The following SLC43A2 variants were observed in gnomAD, a reference collection of about 807,000 sequenced individuals.
SLC43A2 encodes large neutral amino acids transporter small subunit 4.
In SLC43A2, 38 loss-of-function variants were observed where a neutral mutation model predicts 63.2. The ratio of observed to expected loss-of-function variants is 0.60; its 90% CI spans 0.46 to 0.79. The LOEUF is 0.79. SLC43A2 is among the 30% of genes least tolerant of loss of function. The pLI is 0.00. For synonymous variants in SLC43A2, 322 were observed against 331.0 expected, an observed-to-expected ratio of 0.97 and a Z score of 0.30; for missense variants, 644 against 756.2, an observed-to-expected ratio of 0.85 and a Z score of 1.74.
intron 5 of SLC43A2, among the ~76,000 whole-genome samples, chr17:1,596,631 G>C (rs1356610458): frequency 6.6e-6 from 1 of 151,888 alleles, no homozygotes; most frequent in East Asian, 1.9e-4. Flanking sequence ...CCAGGCTGGA[G>C]TGCAGTGGTG....
intron 10 of SLC43A2, among the ~76,000 whole-genome samples, chr17:1,584,761 A>C (rs992197310): frequency 6.6e-6 from 1 of 151,610 alleles, no homozygotes; most frequent in African/African-American, 2.4e-5. Flanking sequence ...CGGAGGTTGC[A>C]GTGAGCCGAG....
At chr17:1,597,925 A>G (rs1905476432) in intron 5 of SLC43A2, among the ~76,000 whole-genome samples, 1 of 152,268 alleles carries the variant, frequency 6.6e-6, no homozygotes, top group African/African-American at 2.4e-5. Context: ...CTCTCTGGGT[A>G]CCTGCCTCCC....
intron 13 of SLC43A2, 75 bp downstream of exon 13, chr17:1,576,522 G>A (rs973214424): frequency 5.0e-5 from 76 of 1,513,846 alleles, no homozygotes; most frequent in Middle Eastern, 1.8e-4. Flanking sequence ...TGAAGCCCCC[G>A]AGGGGGACCT....
In SLC43A2 at chr17:1,570,484, A is replaced by G. The variant is rs1598421633; in HGVS notation, c.*5120T>C. 2.2e-5 allele frequency: 3 copies of G among 137,344 alleles called. No individual in the cohort carries two copies. Among genetic ancestry groups the G allele is most frequent in the Non-Finnish European group, 4.7e-5 (3 of 63,864 alleles). The allele number at this position is 137,344 out of a possible 1,614,324, so 8.5% of individuals were successfully genotyped here. A position where few individuals can be genotyped will look rare whatever the true frequency, so the allele number is the denominator to read the frequency against. ...CCTGGGCACTGAAAACGATGCTACCATTGTTTTTTTTTTTTTTTTTGAGAC... is the reference window on the plus strand; with the variant it reads ...CCTGGGCACTGAAAACGATGCTACCGTTGTTTTTTTTTTTTTTTTTGAGAC... On this transcript the variant is annotated 3_prime_UTR_variant, in exon 14 of 14. Transcript: ENST00000301335.
rs183590354 is a variant in SLC43A2, at chr17:1,625,082, A to G, written c.160+2633T>C. 5.5e-3 allele frequency among the ~76,000 whole-genome samples: 845 copies of G among 152,270 alleles called. 4 individuals are homozygous for G. Among genetic ancestry groups the G allele is most frequent in the Non-Finnish European group, 7.4e-3 (502 of 68,018 alleles). On this transcript the variant is annotated intron_variant, in intron 2 of 13. Transcript: ENST00000301335. The stretch of plus-strand genomic sequence containing the variant: ...CCGTGCTTCTCGGGCTGAGAACCCA[A>G]CTGGTCTCCTGCCCTCACCAGGGGG...
chr17:1,595,292 A>AGAG (rs1555539978), intron 5 of SLC43A2, among the ~76,000 whole-genome samples: 1 of 150,072 alleles, frequency 6.7e-6, no homozygotes, highest in African/African-American at 2.5e-5. Context: ...AAAAAAAAAA[A>AGAG]AGAGAGAGAG....
At chr17:1,591,735 G>GGGGGGGTA in intron 6 of SLC43A2, 36 bp from the exon 7 acceptor site, 1 of 652,928 alleles carries the variant, frequency 1.5e-6, no homozygotes. Context: ...GGGGGGGGGA[G>GGGGGGGTA]GGGGCAGAGT....
In SLC43A2 at chr17:1,593,860, A is replaced by G. The variant is rs1360826276; in HGVS notation, c.502-581T>C. ...CTGAATTTCTTTTCTTTGTTTTGAG[A>G]TGGGGTTTTGCTCTTGTTCCCCAGG... On this transcript the variant is annotated intron_variant, in intron 5 of 13. Coordinates refer to ENST00000301335, the MANE Select transcript of SLC43A2 (RefSeq NM_152346.3). This position sits in a 1 kb window ranked among gnomAD's most constrained non-coding sequence, Gnocchi z 5.3. 6.6e-6 allele frequency among the ~76,000 whole-genome samples: 1 copy of G among 151,876 alleles called. No individual in the cohort carries two copies. The highest frequency in any genetic ancestry group is 1.5e-5 in the Non-Finnish European group (1 of 67,978).
At chr17:1,611,063 G>A (rs1309659777) in intron 5 of SLC43A2, among the ~76,000 whole-genome samples, 1 of 151,856 alleles carries the variant, frequency 6.6e-6, no homozygotes, top group Non-Finnish European at 1.5e-5. Flanking sequence ...GGCTGGTCTC[G>A]AACTCCTGAC....
At chr17:1,586,344 A>G (rs1027473475) in intron 9 of SLC43A2, among the ~76,000 whole-genome samples, 2 of 152,088 alleles carry the variant, frequency 1.3e-5, no homozygotes, top group Non-Finnish European at 2.9e-5. Context: ...AAGTCGCTAT[A>G]ACTTGGGAAC....
Position 1,578,640 on chromosome 17 carries a change from G to T in SLC43A2, c.1351-317C>A, listed in dbSNP as rs1056990012. 9.9e-6 allele frequency: 3 copies of T among 304,288 alleles called. No individual in the cohort carries two copies. The highest frequency in any genetic ancestry group is 6.4e-5 in the African/African-American group (3 of 46,630). The allele number at this position is 304,288 out of a possible 1,614,324, so 18.8% of individuals were successfully genotyped here. ...CCTCCTGGATTCAAGCAATTCTCCT[G>T]CCTCAGCCTTCGGAGTAGCTAGGAT... On this transcript the variant is annotated intron_variant, in intron 11 of 13. Transcript: ENST00000301335. The surrounding 1 kb of genome is among the most constrained non-coding windows in gnomAD (Gnocchi z 6.5).
chr17:1,627,230 C>T (rs1908737036), intron 2 of SLC43A2, among the ~76,000 whole-genome samples: 2 of 152,178 alleles, frequency 1.3e-5, no homozygotes, highest in African/African-American at 4.8e-5. Context: ...TAGGAGACTC[C>T]ACAATGGCCT....
In SLC43A2 at chr17:1,578,509, TTTTG is replaced by T. The variant is rs992107897; in HGVS notation, c.1351-190_1351-187del. On this transcript the variant is annotated intron_variant, in intron 11 of 13. Transcript: ENST00000301335. This position sits in a 1 kb window ranked among gnomAD's most constrained non-coding sequence, Gnocchi z 6.5. ...CAAGCCAGTCGTTAACACAGTCATT[TTTTG>T]TTTGTTTGTTTGTTTTGTTTTTTGT... 7.7e-5 allele frequency: 42 copies of T among 545,428 alleles called. No homozygotes were observed. The highest frequency in any genetic ancestry group is 2.5e-4 in the African/African-American group (13 of 52,808). 33.8% of individuals were successfully genotyped at this position (545,428 alleles called of 1,614,324 possible). A position where few individuals can be genotyped will look rare whatever the true frequency, so the allele number is the denominator to read the frequency against.
chr17:1,591,024 C>T lies in SLC43A2; in HGVS notation c.932-76G>A, dbSNP rs183895178. On this transcript the variant is annotated intron_variant, in intron 8 of 13. Coordinates refer to ENST00000301335, the MANE Select transcript of SLC43A2 (RefSeq NM_152346.3). Reference sequence around the variant, plus strand: ...CCGGGGGGACACGCAGATCCCTCCACGCTGGAGGCCAGGAGGGGGCCCTCG... The same window carrying T: ...CCGGGGGGACACGCAGATCCCTCCATGCTGGAGGCCAGGAGGGGGCCCTCG... 584 of 1,474,098 alleles carry T rather than the reference C, an allele frequency of 4.0e-4. 2 individuals are homozygous for T. In the African/African-American group the frequency reaches 7.0e-3, roughly 18 times the overall value. The allele number at this position is 1,474,098 out of a possible 1,614,324, so 91.3% of individuals were successfully genotyped here.
chr17:1,618,932 C>A (rs1042297062), intron 2 of SLC43A2, among the ~76,000 whole-genome samples: 3 of 151,990 alleles, frequency 2.0e-5, no homozygotes, highest in African/African-American at 7.3e-5. Context: ...TGCAGTGAGC[C>A]AAGATCACAC....
chr17:1,604,494 C>T, intron 5 of SLC43A2: 1 of 555,412 alleles, frequency 1.8e-6, no homozygotes, highest in Non-Finnish European at 3.2e-6. Flanking sequence ...GCCGGTTCAG[C>T]CCTCCTTAGG....
At chr17:1,603,393 G>A (rs1364850134) in intron 5 of SLC43A2, among the ~76,000 whole-genome samples, 2 of 151,906 alleles carry the variant, frequency 1.3e-5, no homozygotes, top group African/African-American at 4.8e-5. Context: ...CATCCTTCAT[G>A]TTCTCTTCAG....
intron 11 of SLC43A2, among the ~76,000 whole-genome samples, chr17:1,581,741 C>G (rs1399543199): frequency 1.3e-5 from 2 of 152,168 alleles, no homozygotes; most frequent in Admixed American, 6.6e-5. Context: ...ACAAGGGCCA[C>G]CTTACTCAAA....
intron 6 of SLC43A2, 67 bp from the exon 7 acceptor site, chr17:1,591,766 C>T (rs914983681): frequency 8.1e-5 from 104 of 1,281,608 alleles, no homozygotes; most frequent in Admixed American, 4.2e-4. Context: ...AGGCCAGAGC[C>T]GCAGCAGGCA....
Sources: allele counts gnomAD v4.1 joint callset (sites outside exome capture counted in the v4.1 genomes callset), GRCh38; gene constraint gnomAD v4.1.1; non-coding constraint Gnocchi (gnomAD v3.1); transcripts MANE v1.5; gene names NCBI Gene and HGNC (gene_info 2026-07-23, HGNC 2026-07-21).